Variants in EBF1 observed in about 807,000 individuals in gnomAD.
The protein encoded by EBF1 is EBF transcription factor 1.
A neutral mutation model predicts 68.4 loss-of-function variants in EBF1; 10 were observed. That is an observed-to-expected ratio of 0.15 (90% CI 0.09 to 0.25). EBF1 has a LOEUF of 0.25. Among genes scored for constraint, EBF1 ranks in the 10% least tolerant of loss-of-function variants. EBF1 has a pLI of 1.00. For missense variants in EBF1, 509 were observed against 794.4 expected (o/e 0.64, Z 4.32); for synonymous variants, 298 against 299.8 (o/e 0.99, Z 0.06).
chr5:158,744,144 A>G (rs1767041033), intron 10 of EBF1, among the ~76,000 whole-genome samples: 1 of 151,966 alleles, frequency 6.6e-6, no homozygotes, highest in Admixed American at 6.6e-5. Context: ...ACAAAGTGAG[A>G]CACTGTCAAA....
intron 8 of EBF1, among the ~76,000 whole-genome samples, chr5:158,800,545 GCAAA>G (rs1341415612): frequency 6.6e-6 from 1 of 152,156 alleles, no homozygotes; most frequent in East Asian, 1.9e-4. Flanking sequence ...TTCTATGAGA[GCAAA>G]CAGTTGTACT....
At chr5:158,895,889 T>C (rs1433595325) in intron 6 of EBF1, among the ~76,000 whole-genome samples, 1 of 152,208 alleles carries the variant, frequency 6.6e-6, no homozygotes, top group African/African-American at 2.4e-5. Context: ...TTGGAACTAT[T>C]GACATATACA....
chr5:158,900,841 C>T (rs76835345), intron 6 of EBF1, among the ~76,000 whole-genome samples: 3,404 of 152,184 alleles, frequency 0.022, 134 homozygotes, highest in African/African-American at 0.077. Flanking sequence ...AGTAAGGTCC[C>T]GCAGATAGTA....
intron 10 of EBF1, among the ~76,000 whole-genome samples, chr5:158,772,439 G>C (rs191706615): frequency 3.3e-5 from 5 of 152,228 alleles, no homozygotes; most frequent in Middle Eastern, 3.4e-3. Flanking sequence ...GGCTGAGATG[G>C]AAATAAGAGA....
intron 6 of EBF1, among the ~76,000 whole-genome samples, chr5:158,908,408 T>G (rs1805141590): frequency 6.6e-6 from 1 of 152,230 alleles, no homozygotes; most frequent in African/African-American, 2.4e-5. Context: ...TAAGTTGTTA[T>G]AATTTTTGTT....
At position 158,882,262 on chromosome 5, in the gene EBF1, T is replaced by C. The variant is rs73816081; in HGVS notation, c.555-42152A>G. ...CACTTAACACCATTAATCTATCTAT[T>C]TACACAAGAGCAAGAAATGTTCATT... is the stretch of plus-strand genomic sequence containing the variant. On this transcript the variant is annotated intron_variant, in intron 6 of 15. Coordinates refer to ENST00000313708, the MANE Select transcript of EBF1 (RefSeq NM_024007.5). 4.8e-3 allele frequency among the ~76,000 whole-genome samples: 734 copies of C among 152,314 alleles called. 9 individuals are homozygous for C. The highest frequency in any genetic ancestry group is 0.017 in the African/African-American group (704 of 41,576).
chr5:158,979,850 C>A (rs1460370116), intron 6 of EBF1, among the ~76,000 whole-genome samples: 1 of 152,136 alleles, frequency 6.6e-6, no homozygotes, highest in Non-Finnish European at 1.5e-5. Flanking sequence ...TTCTAAGTTT[C>A]TCTTATTCAT....
intron 10 of EBF1, among the ~76,000 whole-genome samples, chr5:158,761,483 A>G (rs1025073881): frequency 5.3e-5 from 8 of 152,192 alleles, no homozygotes; most frequent in African/African-American, 1.7e-4. Flanking sequence ...GCTCAGTGGT[A>G]ACTAAATAAT....
chr5:158,845,024 TAGTC>T (rs1791168641), intron 6 of EBF1, among the ~76,000 whole-genome samples: 1 of 152,200 alleles, frequency 6.6e-6, no homozygotes, highest in African/African-American at 2.4e-5. Flanking sequence ...TTAATTCAAT[TAGTC>T]AGCAGGATCT....
At chr5:158,893,992 T>A (rs558810445) in intron 6 of EBF1, among the ~76,000 whole-genome samples, 5 of 152,216 alleles carry the variant, frequency 3.3e-5, no homozygotes, top group Non-Finnish European at 7.4e-5. Context: ...TTTAAAATGA[T>A]CAAAGATTAC....
chr5:158,840,009 G>A lies in EBF1; in HGVS notation c.636+20C>T, dbSNP rs1161295899. The A allele has an allele frequency of 1.9e-6, 3 of 1,607,556 alleles. No individual in the cohort carries two copies. The highest frequency in any genetic ancestry group is 2.6e-6 in the Non-Finnish European group (3 of 1,174,202). The stretch of plus-strand genomic sequence containing the variant: ...TATTCATGCCATTATTGAGATTCAA[G>A]AAAGATAAGTCAGACCCACCTGGAA... On this transcript the variant is annotated intron_variant, in intron 7 of 15. Transcript: ENST00000313708.
chr5:158,876,005 C>A (rs1342771820), intron 6 of EBF1, among the ~76,000 whole-genome samples: 2 of 152,142 alleles, frequency 1.3e-5, no homozygotes, highest in Non-Finnish European at 2.9e-5. Flanking sequence ...AACTTTAGGA[C>A]TCTAGGATCT....
intron 10 of EBF1, among the ~76,000 whole-genome samples, chr5:158,743,499 C>T (rs1299020481): frequency 2.6e-5 from 4 of 151,958 alleles, no homozygotes; most frequent in African/African-American, 7.3e-5. Context: ...AGGAGCAACA[C>T]GATGTGATCA....
Position 158,831,201 on chromosome 5 carries a change from T to C in EBF1, c.637-7884A>G, listed in dbSNP as rs560002861. On this transcript the variant is annotated intron_variant, in intron 7 of 15. Transcript: ENST00000313708. ...TTAGGTAGGAATGAGACAAACAGGA[T>C]TGTCATGTGTGCTCTGTAACGATGG... 2.6e-5 allele frequency among the ~76,000 whole-genome samples: 4 copies of C among 152,228 alleles called. No homozygotes were observed. The South Asian group carries it at 6.2e-4, about 24-fold the overall frequency.
At chr5:158,888,098 T>C (rs1362683913) in intron 6 of EBF1, among the ~76,000 whole-genome samples, 1 of 152,190 alleles carries the variant, frequency 6.6e-6, no homozygotes, top group Admixed American at 6.5e-5. Context: ...CACATCCTTT[T>C]CTCATCAAAA....
intron 6 of EBF1, among the ~76,000 whole-genome samples, chr5:159,034,067 ATCT>A (rs928424727): frequency 1.3e-5 from 2 of 152,218 alleles, no homozygotes; most frequent in African/African-American, 4.8e-5. Flanking sequence ...CATTGAGGCC[ATCT>A]TGAAATTTGA....
At chr5:159,069,358 G>GC (rs1418642841) in intron 6 of EBF1, among the ~76,000 whole-genome samples, 2 of 151,948 alleles carry the variant, frequency 1.3e-5, no homozygotes, top group South Asian at 2.1e-4. Context: ...ACATTAAGCT[G>GC]CCCCCTATCC....
chr5:158,733,630 T>G (rs756280780), intron 10 of EBF1, among the ~76,000 whole-genome samples: 1 of 152,128 alleles, frequency 6.6e-6, no homozygotes, highest in Non-Finnish European at 1.5e-5. Flanking sequence ...AAAATAAGGA[T>G]TTACTCCATG....
At chr5:159,001,872 AATTCTAT>A (rs1762608348) in intron 6 of EBF1, among the ~76,000 whole-genome samples, 1 of 152,092 alleles carries the variant, frequency 6.6e-6, no homozygotes, top group African/African-American at 2.4e-5. Flanking sequence ...CATGGGAGAA[AATTCTAT>A]CATTTCCTGA....
Sources: allele counts gnomAD v4.1 joint callset (sites outside exome capture counted in the v4.1 genomes callset), GRCh38; gene constraint gnomAD v4.1.1; transcripts MANE v1.5; gene names NCBI Gene and HGNC (gene_info 2026-07-23, HGNC 2026-07-21).